ADAM2: variants seen among roughly 807,000 people sequenced by gnomAD.
ADAM2 encodes ADAM metallopeptidase domain 2.
Under a neutral mutation model 99.3 loss-of-function variants are expected in ADAM2, and 101 were observed. The ratio of observed to expected loss-of-function variants is 1.02; its 90% confidence interval spans 0.87 to 1.20. The LOEUF is 1.20. ADAM2 is among the 50% of genes most tolerant of loss of function. ADAM2 has a pLI of 0.00. For synonymous variants in ADAM2, 323 were observed against 287.6 expected (o/e 1.12, Z -1.25); for missense variants, 948 against 878.7 (o/e 1.08, Z -1.00).
At chr8:39,821,727 T>A in intron 4 of ADAM2, 65 bp from the exon 5 acceptor site, 1 of 1,134,724 alleles carries the variant, frequency 8.8e-7, no homozygotes, top group Non-Finnish European at 1.3e-6. Context: ...TTTTCAAATA[T>A]GTAAAACATA....
chr8:39,779,147 CA>C (rs1270253264), intron 10 of ADAM2, among the ~76,000 whole-genome samples: 4 of 151,716 alleles, frequency 2.6e-5, no homozygotes, highest in African/African-American at 7.3e-5. Context: ...ATCAAAATAC[CA>C]AAGACTTGAT....
chr8:39,745,427 T>C (rs1406248066), intron 19 of ADAM2, among the ~76,000 whole-genome samples: 1 of 152,106 alleles, frequency 6.6e-6, no homozygotes, highest in Non-Finnish European at 1.5e-5. Context: ...AGTATTTTAA[T>C]GAAATTCAAT....
Position 39,770,225 on chromosome 8 carries a change from G to C in ADAM2, c.1029-650C>G, listed in dbSNP as rs376158245. Among the ~76,000 whole-genome samples, 11 of 152,228 alleles carry C rather than the reference G, an allele frequency of 7.2e-5. 1 individual carries two copies. Among genetic ancestry groups the C allele is most frequent in the African/African-American group, 2.4e-4 (10 of 41,550 alleles). On this transcript the variant is annotated intron_variant, in intron 11 of 20. Transcript: ENST00000265708. Reference sequence around the variant, plus strand: ...GCCTCCCAAAGTGTTGGGATTACAGGCGTGAGCCAACGCGCCCAGCCCAGG... The same window carrying C: ...GCCTCCCAAAGTGTTGGGATTACAGCCGTGAGCCAACGCGCCCAGCCCAGG...
chr8:39,776,934 A>T (rs1563350306), intron 11 of ADAM2, 91 bp downstream of exon 11: 1 of 812,158 alleles, frequency 1.2e-6, no homozygotes, highest in African/African-American at 1.8e-5. Context: ...GCTGATCGCC[A>T]TTATTATTTA....
intron 10 of ADAM2, among the ~76,000 whole-genome samples, chr8:39,780,726 G>A (rs892862363): frequency 1.3e-5 from 2 of 151,996 alleles, no homozygotes; most frequent in African/African-American, 4.8e-5. Context: ...TTCATCTTAA[G>A]TAATAGAAAC....
chr8:39,776,972 C>G (rs1410992421), intron 11 of ADAM2, 53 bp downstream of exon 11: 1 of 1,122,330 alleles, frequency 8.9e-7, no homozygotes, highest in Non-Finnish European at 1.3e-6. Flanking sequence ...CAACTAAATA[C>G]ATTAAAATTA....
At position 39,777,092 on chromosome 8, in the gene ADAM2, T is replaced by C; in HGVS notation, c.961A>G (p.Ile321Val). Residue 321 changes from isoleucine to valine, a missense_variant, in exon 11 of 21, where the codon ATC becomes GTC. Transcript: ENST00000265708. ...LAQLLSLSMG[I>V]TYDDINKCQC... is the part of the protein sequence containing the mutation. ...CATTTGTTAATGTCATCATAAGTGATCCCCATACTAAGGCTCAATAATTGA... is the reference window on the plus strand; with the variant it reads ...CATTTGTTAATGTCATCATAAGTGACCCCCATACTAAGGCTCAATAATTGA... 1.9e-6 allele frequency: 3 copies of C among 1,602,564 alleles called. No individual in the cohort carries two copies. In the South Asian group the frequency reaches 3.3e-5, roughly 18 times the overall value.
intron 7 of ADAM2, among the ~76,000 whole-genome samples, chr8:39,804,761 A>G (rs1374051919): frequency 6.6e-6 from 1 of 152,246 alleles, no homozygotes. Context: ...TAAGTATGGT[A>G]AAGTTTAAAA....
At chr8:39,744,245 AT>A (rs1823353692) in intron 20 of ADAM2, among the ~76,000 whole-genome samples, 181 bp from the exon 21 acceptor site, 1 of 151,966 alleles carries the variant, frequency 6.6e-6, no homozygotes, top group Non-Finnish European at 1.5e-5. Context: ...TAATTAAAAA[AT>A]AACACTGTAA....
chr8:39,768,469 C>A (rs1275606846), intron 12 of ADAM2, among the ~76,000 whole-genome samples: 1 of 152,154 alleles, frequency 6.6e-6, no homozygotes, highest in South Asian at 2.1e-4. Context: ...CACCTCCCTT[C>A]AACCCAGGTG....
chr8:39,791,557 C>G (rs1274834625), intron 7 of ADAM2, among the ~76,000 whole-genome samples: 1 of 152,068 alleles, frequency 6.6e-6, no homozygotes, highest in African/African-American at 2.4e-5. Flanking sequence ...CTCCTTTAGA[C>G]TTCTCTGCCT....
intron 14 of ADAM2, among the ~76,000 whole-genome samples, chr8:39,763,721 C>T (rs1802460648): frequency 6.6e-6 from 1 of 152,228 alleles, no homozygotes; most frequent in Non-Finnish European, 1.5e-5. Flanking sequence ...TTGCAATGAA[C>T]TTCTTTATTT....
intron 4 of ADAM2, 132 bp from the exon 5 acceptor site, chr8:39,821,794 T>C: frequency 1.6e-6 from 1 of 626,414 alleles, no homozygotes; most frequent in South Asian, 2.3e-5. Flanking sequence ...ATTTATAATG[T>C]TATTAGATGA....
At chr8:39,806,063 C>G (rs994864119) in intron 7 of ADAM2, among the ~76,000 whole-genome samples, 2 of 152,072 alleles carry the variant, frequency 1.3e-5, no homozygotes, top group Admixed American at 1.3e-4. Context: ...GGGAGTAAGT[C>G]CTGCAGAAAG....
Position 39,755,826 on chromosome 8 carries a change from T to G in ADAM2, c.1699A>C (p.Ile567Leu), listed in dbSNP as rs1483177368. 1 of 1,609,586 alleles carries G rather than the reference T, an allele frequency of 6.2e-7. No individual in the cohort carries two copies. Among genetic ancestry groups the G allele is most frequent in the Admixed American group, 1.7e-5 (1 of 59,942 alleles). Residue 567 changes from isoleucine to leucine, a missense_variant, in exon 16 of 21, where the codon ATA (isoleucine) becomes CTA (leucine). Coordinates refer to ENST00000265708, the MANE Select transcript of ADAM2 (RefSeq NM_001464.5). ...IPRATIIYAN[I>L]SGHLCIAVEF... is the part of the protein sequence containing the mutation. Reference sequence around the variant, plus strand: ...ACAGCAATGCAGAGATGTCCACTTATGTTGGCATAAATAATAGTGGCTCTT... The same window carrying G: ...ACAGCAATGCAGAGATGTCCACTTAGGTTGGCATAAATAATAGTGGCTCTT...
At chr8:39,793,910 T>C (rs948631401) in intron 7 of ADAM2, among the ~76,000 whole-genome samples, 4 of 152,122 alleles carry the variant, frequency 2.6e-5, no homozygotes, top group Non-Finnish European at 5.9e-5. Flanking sequence ...AGAAATAGTT[T>C]GATAGAGAAG....
At chr8:39,749,616 T>C (rs374198672) in intron 17 of ADAM2, 51 bp downstream of exon 17, 3 of 1,526,540 alleles carry the variant, frequency 2.0e-6, no homozygotes, top group East Asian at 2.3e-5. Flanking sequence ...TGCAGTTTCC[T>C]AAAATTAGGC....
chr8:39,767,716 G>A (rs1802625486), intron 12 of ADAM2, among the ~76,000 whole-genome samples: 1 of 151,958 alleles, frequency 6.6e-6, no homozygotes, highest in African/African-American at 2.4e-5. Flanking sequence ...CCCTAATTAA[G>A]GTCTGGAAAA....
Position 39,821,073 on chromosome 8 carries a change from C to CTTTCTTATGTTTTACTTGGTAAA in ADAM2, c.419_441dup (p.Ala148PhefsTer4). The CTTTCTTATGTTTTACTTGGTAAA allele has an allele frequency of 6.2e-7, 1 of 1,603,888 alleles. No individual in the cohort carries two copies. The highest frequency in any genetic ancestry group is 8.5e-7 in the Non-Finnish European group (1 of 1,171,226). Reference sequence around the variant, plus strand: ...TTCTCATTATATAAGGAAACATCTGCTTTCTTATGTTTTACTTGGTAAATT... The same window carrying CTTTCTTATGTTTTACTTGGTAAA: ...TTCTCATTATATAAGGAAACATCTGCTTTCTTATGTTTTACTTGGTAAATTTCTTATGTTTTACTTGGTAAATT... On this transcript the variant is annotated stop_gained and frameshift_variant, in exon 6 of 21. Coordinates refer to ENST00000265708, the MANE Select transcript of ADAM2 (RefSeq NM_001464.5). LOFTEE classifies it high-confidence loss of function.
Sources: gnomAD v4.1 joint callset for allele counts (sites outside exome capture counted in the v4.1 genomes callset) on GRCh38, gnomAD v4.1.1 for gene constraint, MANE v1.5 for transcripts, NCBI Gene and HGNC (gene_info 2026-07-23, HGNC 2026-07-21) for gene names.